ULK4: variants seen among roughly 807,000 people sequenced by gnomAD.
The protein encoded by ULK4 is inactive serine/threonine-protein kinase ULK4.
A neutral mutation model predicts 160.6 loss-of-function variants in ULK4; 133 were observed. The ratio of observed to expected loss-of-function variants is 0.83; its 90% confidence interval spans 0.72 to 0.96. The LOEUF (loss-of-function observed/expected upper bound fraction) is 0.96, where lower values mean the gene tolerates loss of function less well. Ranked by LOEUF, ULK4 falls within the 40% of genes least tolerant of loss-of-function variation. ULK4 has a pLI of 0.00. For synonymous variants in ULK4, 534 were observed against 539.8 expected (o/e 0.99, Z 0.15); for missense variants, 1,580 against 1,499.5 (o/e 1.05, Z -0.89).
At chr3:41,429,057 GA>G (rs777341210) in intron 34 of ULK4, among the ~76,000 whole-genome samples, 157 of 138,478 alleles carry the variant, frequency 1.1e-3, no homozygotes, top group Middle Eastern at 3.7e-3. Flanking sequence ...AAATTTACAA[GA>G]AAAAAAAAAC....
At chr3:41,639,089 C>T (rs898598146) in intron 30 of ULK4, among the ~76,000 whole-genome samples, 4 of 152,188 alleles carry the variant, frequency 2.6e-5, no homozygotes, top group East Asian at 1.9e-4. Flanking sequence ...AGAAAGTACA[C>T]TGATCACATC....
intron 25 of ULK4, among the ~76,000 whole-genome samples, chr3:41,709,594 C>G (rs781029931): frequency 6.6e-6 from 1 of 152,106 alleles, no homozygotes; most frequent in Non-Finnish European, 1.5e-5. Flanking sequence ...ACCATGTTGG[C>G]CAGGATGGTC....
chr3:41,539,037 T>G (rs1473428341), intron 32 of ULK4, among the ~76,000 whole-genome samples: 1 of 40,750 alleles, frequency 2.5e-5, no homozygotes, highest in Non-Finnish European at 6.2e-5. Flanking sequence ...TTTTCTTAGT[T>G]TTTTTTTTTT....
chr3:41,257,950 T>C (rs1240137325), intron 35 of ULK4, among the ~76,000 whole-genome samples: 1 of 152,186 alleles, frequency 6.6e-6, no homozygotes, highest in Non-Finnish European at 1.5e-5. Context: ...GAATTTACCT[T>C]GCTAAATTAT....
chr3:41,304,140 G>C (rs2079853615), intron 35 of ULK4, among the ~76,000 whole-genome samples: 1 of 152,004 alleles, frequency 6.6e-6, no homozygotes, highest in Non-Finnish European at 1.5e-5. Flanking sequence ...AGACGTGGTG[G>C]TGGGCACCTG....
intron 32 of ULK4, among the ~76,000 whole-genome samples, chr3:41,468,200 GC>G (rs1372688844): frequency 6.6e-6 from 1 of 152,072 alleles, no homozygotes; most frequent in African/African-American, 2.4e-5. Context: ...GGGAGATTAA[GC>G]CCTAAAAACT....
chr3:41,780,458 A>G (rs1439195812), intron 21 of ULK4, among the ~76,000 whole-genome samples: 1 of 152,162 alleles, frequency 6.6e-6, no homozygotes, highest in Non-Finnish European at 1.5e-5. Context: ...TTTAGAGTCA[A>G]CGAAGCACAC....
intron 31 of ULK4, among the ~76,000 whole-genome samples, chr3:41,614,830 G>T (rs2032880337): frequency 6.6e-6 from 1 of 152,184 alleles, no homozygotes; most frequent in Non-Finnish European, 1.5e-5. Context: ...CATGTGTAGG[G>T]TTATCAGACT....
At chr3:41,487,328 A>G (rs2084575142) in intron 32 of ULK4, among the ~76,000 whole-genome samples, 1 of 152,170 alleles carries the variant, frequency 6.6e-6, no homozygotes, top group African/African-American at 2.4e-5. Flanking sequence ...TTTGAGGAAC[A>G]TAACAAAGTT....
At chr3:41,250,822 A>C (rs548551904) in intron 35 of ULK4, 119 of 152,322 alleles carry the variant, frequency 7.8e-4, no homozygotes, top group African/African-American at 2.8e-3. Context: ...AGCTGCATGT[A>C]AATTTGTTCT....
At chr3:41,831,763 T>C (rs373322662) in intron 18 of ULK4, among the ~76,000 whole-genome samples, 57 of 152,152 alleles carry the variant, frequency 3.7e-4, no homozygotes, top group African/African-American at 1.1e-3. Context: ...TGTGTTCTCA[T>C]TGTTCAACTC....
At chr3:41,487,051 T>C (rs1023570225) in intron 32 of ULK4, among the ~76,000 whole-genome samples, 2 of 152,236 alleles carry the variant, frequency 1.3e-5, no homozygotes, top group Non-Finnish European at 2.9e-5. Flanking sequence ...AATCAGTACG[T>C]AGTTTCCTTT....
chr3:41,483,681 C>T (rs1282282353), intron 32 of ULK4, among the ~76,000 whole-genome samples: 2 of 152,116 alleles, frequency 1.3e-5, no homozygotes, highest in Non-Finnish European at 2.9e-5. Flanking sequence ...ACATCCACAT[C>T]CTAATCCCTG....
At chr3:41,788,339 C>G (rs549357127) in intron 21 of ULK4, among the ~76,000 whole-genome samples, 1 of 152,272 alleles carries the variant, frequency 6.6e-6, no homozygotes, top group Non-Finnish European at 1.5e-5. Context: ...TTCCATTCCA[C>G]ACTTCTAAGC....
At chr3:41,679,110 A>G (rs1402899935) in intron 29 of ULK4, among the ~76,000 whole-genome samples, 4 of 152,202 alleles carry the variant, frequency 2.6e-5, no homozygotes, top group Non-Finnish European at 4.4e-5. Context: ...CACAATAAGC[A>G]TTATACATTT....
chr3:41,265,770 G>A (rs568366771), intron 35 of ULK4, among the ~76,000 whole-genome samples: 4 of 152,232 alleles, frequency 2.6e-5, no homozygotes, highest in South Asian at 2.1e-4. Flanking sequence ...CGTTTTTTGC[G>A]AAGCCTTTGA....
chr3:41,770,307 G>A (rs1319687754), intron 21 of ULK4, among the ~76,000 whole-genome samples: 1 of 152,020 alleles, frequency 6.6e-6, no homozygotes, highest in Non-Finnish European at 1.5e-5. Context: ...TCACTGTTGT[G>A]TTACAGGTTT....
chr3:41,653,136 AACCAATC>A, intron 30 of ULK4, among the ~76,000 whole-genome samples: 1 of 152,282 alleles, frequency 6.6e-6, no homozygotes, highest in South Asian at 2.1e-4. Flanking sequence ...AATGCAAACT[AACCAATC>A]CTTAGCTCAT....
chr3:41,253,564 A>G (rs1043627190), intron 35 of ULK4, among the ~76,000 whole-genome samples: 2 of 152,050 alleles, frequency 1.3e-5, no homozygotes, highest in Non-Finnish European at 2.9e-5. Flanking sequence ...TAATATTAAA[A>G]ATGTTCAAAT....
Sources: allele counts gnomAD v4.1 joint callset (sites outside exome capture counted in the v4.1 genomes callset), GRCh38; gene constraint gnomAD v4.1.1; transcripts MANE v1.5; gene names NCBI Gene and HGNC (gene_info 2026-07-23, HGNC 2026-07-21).